The following C1orf167 variants were observed in gnomAD, a reference collection of about 807,000 sequenced individuals.
C1orf167 encodes the protein uncharacterized protein C1orf167.
Under a neutral mutation model 176.5 loss-of-function variants are expected in C1orf167, and 153 were observed. The observed-to-expected ratio is 0.87, with a 90% CI of 0.76 to 0.99. C1orf167 has a LOEUF of 0.99. C1orf167 is among the 50% of genes least tolerant of loss of function. The probability of loss-of-function intolerance (pLI) is 0.00; values close to 1 mark genes in which losing one functional copy is unlikely to be tolerated. For synonymous variants in C1orf167, 594 were observed against 752.7 expected (o/e 0.79, Z 3.45); for missense variants, 1,490 against 1,817.7 (o/e 0.82, Z 3.28).
At chr1:11,785,908 T>C in intron 16 of C1orf167, 1 of 152,226 alleles carries the variant, frequency 6.6e-6, no homozygotes, top group Admixed American at 6.5e-5. Context: ...AATTTTTGTA[T>C]TTTTAGTAGA....
intron 7 of C1orf167, 63 bp from the exon 8 acceptor site, chr1:11,772,019 C>T: frequency 8.2e-7 from 1 of 1,217,338 alleles, no homozygotes; most frequent in South Asian, 1.4e-5. Flanking sequence ...AGGGGCCCCT[C>T]CTGGCTCAGA....
intron 13 of C1orf167, among the ~76,000 whole-genome samples, chr1:11,780,938 C>T: frequency 6.7e-6 from 1 of 149,992 alleles, no homozygotes; most frequent in African/African-American, 2.4e-5. Context: ...GGTCCCAAGG[C>T]AGGCTTGCTC....
Position 11,766,063 on chromosome 1 carries a change from C to G in C1orf167, c.277C>G (p.Leu93Val), listed in dbSNP as rs1298684907. The G allele has an allele frequency of 1.6e-6, 2 of 1,289,880 alleles. No individual in the cohort carries two copies. The highest frequency in any genetic ancestry group is 2.0e-6 in the Non-Finnish European group (2 of 988,866). The allele number at this position is 1,289,880 out of a possible 1,614,324, so 79.9% of individuals were successfully genotyped here. A position where few individuals can be genotyped will look rare whatever the true frequency, so the allele number is the denominator to read the frequency against. Residue 93 changes from leucine (L) to valine (V), a missense_variant, in exon 3 of 21, where the codon CTG becomes GTG. By Grantham distance (32) the Leu-to-Val change is conservative. Transcript: ENST00000688073. This position sits in a 1 kb window ranked among gnomAD's most constrained non-coding sequence, Gnocchi z 4.5. ...GLALKDTTGQ[L>V]VNSSFWQQSN... ...AGCTCTGAAGGACACGACTGGCCAA[C>G]TGGTCAATTCAAGCTTCTGGCAACA... is the stretch of plus-strand genomic sequence containing the variant.
intron 16 of C1orf167, chr1:11,786,655 T>G (rs899118838): frequency 2.0e-5 from 3 of 151,046 alleles, no homozygotes; most frequent in African/African-American, 7.4e-5. Flanking sequence ...TGCCAGGGCT[T>G]GTCTCAAACT....
intron 19 of C1orf167, 58 bp from the exon 20 acceptor site, chr1:11,788,594 C>T (rs1643974037): frequency 7.9e-7 from 1 of 1,265,342 alleles, no homozygotes. Flanking sequence ...GGCAGAAGGG[C>T]TGGGGACTGC....
At position 11,768,451 on chromosome 1, in the gene C1orf167, T is replaced by C; in HGVS notation, c.1542+176T>C. On this transcript the variant is annotated intron_variant, in intron 5 of 20. Coordinates refer to ENST00000688073, the MANE Select transcript of C1orf167 (RefSeq NM_001010881.2). This position sits in a 1 kb window ranked among gnomAD's most constrained non-coding sequence, Gnocchi z 4.5. Reference sequence around the variant, plus strand: ...TGAATCAGCTCTGCCTGAGTTCAAATCCTGCCCCCTCTACCACTTTCTAGC... The same window carrying C: ...TGAATCAGCTCTGCCTGAGTTCAAACCCTGCCCCCTCTACCACTTTCTAGC... 2.0e-6 allele frequency: 1 copy of C among 498,902 alleles called. No individual in the cohort carries two copies. Among genetic ancestry groups the C allele is most frequent in the South Asian group, 2.1e-5 (1 of 48,652 alleles). 30.9% of individuals were successfully genotyped at this position (498,902 alleles called of 1,614,324 possible).
chr1:11,781,650 C>T (rs1413378049), intron 13 of C1orf167, among the ~76,000 whole-genome samples: 2 of 152,154 alleles, frequency 1.3e-5, no homozygotes, highest in African/African-American at 4.8e-5. Context: ...GTGGCTCACG[C>T]CTGTAATCCC....
intron 16 of C1orf167, chr1:11,787,084 C>T: frequency 5.7e-6 from 1 of 175,804 alleles, no homozygotes; most frequent in South Asian, 1.2e-4. Flanking sequence ...AGGGTACTAG[C>T]CGGGGGCTCA....
chr1:11,778,455 G>A (rs141287209), intron 10 of C1orf167: 22 of 313,528 alleles, frequency 7.0e-5, no homozygotes, highest in African/African-American at 3.5e-4. Context: ...GGTGGGCATC[G>A]GTACCTCTTG....
intron 7 of C1orf167, 37 bp downstream of exon 7, chr1:11,771,673 G>A (rs958082833): frequency 5.5e-6 from 7 of 1,264,950 alleles, no homozygotes; most frequent in Non-Finnish European, 7.2e-6. Flanking sequence ...GGGAGATGGA[G>A]CCTGGCCACG....
intron 11 of C1orf167, 29 bp downstream of exon 11, chr1:11,778,845 G>T (rs771497285): frequency 7.7e-7 from 1 of 1,293,764 alleles, no homozygotes; most frequent in Non-Finnish European, 1.0e-6. Context: ...GGGAGGGGCT[G>T]GGGCAGGTAG....
chr1:11,781,278 G>A (rs181492786), intron 13 of C1orf167, among the ~76,000 whole-genome samples: 14 of 152,078 alleles, frequency 9.2e-5, no homozygotes, highest in Admixed American at 7.9e-4. Flanking sequence ...GATTACAAGC[G>A]TGAGCCACCG....
chr1:11,779,739 G>C lies in C1orf167; in HGVS notation c.2652-63G>C, dbSNP rs552438642. On this transcript the variant is annotated intron_variant, in intron 12 of 20. Transcript: ENST00000688073. ...GGAGAGGAAGAGAAAGGAGGGTGGGGCAGGGCTGGCCTGGGATTTGGGGGA... is the reference window on the plus strand; with the variant it reads ...GGAGAGGAAGAGAAAGGAGGGTGGGCCAGGGCTGGCCTGGGATTTGGGGGA... 8.4e-5 allele frequency: 99 copies of C among 1,181,892 alleles called. No individual in the cohort carries two copies. In the African/African-American group the frequency reaches 1.5e-3, roughly 18 times the overall value. 73.2% of individuals were successfully genotyped at this position (1,181,892 alleles called of 1,614,324 possible).
chr1:11,783,207 G>A (rs935370845), intron 14 of C1orf167, among the ~76,000 whole-genome samples: 3 of 152,106 alleles, frequency 2.0e-5, no homozygotes, highest in African/African-American at 2.4e-5. Flanking sequence ...AATGGCTGAC[G>A]TCTGTGCTTT....
At position 11,778,911 on chromosome 1, in the gene C1orf167, C is replaced by A; in HGVS notation, c.2497-15C>A. ...ACAGGGTAGGGGACCAAGGACTCCA[C>A]ATCTCCTTCCCCAGGTTCCCAGGGC... On this transcript the variant is annotated splice_polypyrimidine_tract_variant and intron_variant, in intron 11 of 20. Transcript: ENST00000688073. The A allele has an allele frequency of 7.7e-7, 1 of 1,301,364 alleles. No homozygotes were observed. The highest frequency in any genetic ancestry group is 1.0e-6 in the Non-Finnish European group (1 of 987,168). 80.6% of individuals were successfully genotyped at this position (1,301,364 alleles called of 1,614,324 possible).
At chr1:11,780,074 A>G in intron 13 of C1orf167, 64 bp downstream of exon 13, 1 of 1,157,656 alleles carries the variant, frequency 8.6e-7, no homozygotes, top group South Asian at 1.6e-5. Context: ...TCTGAGACCC[A>G]GACTGCAGCC....
At position 11,767,016 on chromosome 1, in the gene C1orf167, G is replaced by C. The variant is rs1371264984; in HGVS notation, c.1230G>C (p.Arg410=). The C allele has an allele frequency of 8.2e-7, 1 of 1,214,542 alleles. No individual in the cohort carries two copies. The highest frequency in any genetic ancestry group is 3.0e-5 in the Admixed American group (1 of 33,470). 75.2% of individuals were successfully genotyped at this position (1,214,542 alleles called of 1,614,324 possible). A position where few individuals can be genotyped will look rare whatever the true frequency, so the allele number is the denominator to read the frequency against. The change falls in exon 3 of 21, where the codon CGG becomes CGC. Residue 410 remains arginine (R), a synonymous_variant. Coordinates refer to ENST00000688073, the MANE Select transcript of C1orf167 (RefSeq NM_001010881.2). ...QKGEEGAPRE[R]VHREEERTAF... ...GAGAGGAGGGGGCCCCGAGGGAGCG[G>C]GTCCACAGGGAGGAGGAGAGGACAG...
chr1:11,774,095 A>G (rs1231197790), intron 8 of C1orf167, among the ~76,000 whole-genome samples: 2 of 151,940 alleles, frequency 1.3e-5, no homozygotes, highest in African/African-American at 4.8e-5. Flanking sequence ...TAGAGATTTA[A>G]TTTTTTGCCA....
In C1orf167 at chr1:11,765,974, T is replaced by C. The variant is rs1182628871; in HGVS notation, c.188T>C (p.Val63Ala). 1 of 1,287,356 alleles carries C rather than the reference T, an allele frequency of 7.8e-7. No individual in the cohort carries two copies. The highest frequency in any genetic ancestry group is 1.5e-5 in the African/African-American group (1 of 65,798). 79.7% of individuals were successfully genotyped at this position (1,287,356 alleles called of 1,614,324 possible). The change falls in exon 3 of 21, where the codon GTG (valine) becomes GCG (alanine). Residue 63 changes from valine to alanine, a missense_variant. Val to Ala is a moderately conservative substitution (Grantham distance 64). Transcript: ENST00000688073. ...GCTGCCACACCCTCCCCAGGGGCAGTGCTAGACCAGGAGCCCTGCCGAGTC... is the reference window on the plus strand; with the variant it reads ...GCTGCCACACCCTCCCCAGGGGCAGCGCTAGACCAGGAGCCCTGCCGAGTC... The part of the protein sequence containing the change: ...GPAATPSPGA[V>A]LDQEPCRVQT...
Sources: gnomAD v4.1 joint callset for allele counts (sites outside exome capture counted in the v4.1 genomes callset) on GRCh38, gnomAD v4.1.1 for gene constraint, Gnocchi (gnomAD v3.1) non-coding constraint, MANE v1.5 for transcripts, NCBI Gene and HGNC (gene_info 2026-07-23, HGNC 2026-07-21) for gene names.